KALRN: variants seen among roughly 807,000 people sequenced by gnomAD.
KALRN encodes the protein kalirin.
A neutral mutation model predicts 353.7 loss-of-function variants in KALRN; 70 were observed. The ratio of observed to expected loss-of-function variants is 0.20; its 90% CI spans 0.16 to 0.24. KALRN has a LOEUF of 0.24. KALRN is among the 10% of genes least tolerant of loss of function. KALRN has a pLI of 1.00. For missense variants in KALRN, 2,791 were observed against 3,756.7 expected (o/e 0.74, Z 6.72); for synonymous variants, 1,391 against 1,434.8 (o/e 0.97, Z 0.69).
chr3:124,045,052 C>T (rs1221840233), intron 1 of KALRN, among the ~76,000 whole-genome samples: 3 of 152,104 alleles, frequency 2.0e-5, no homozygotes, highest in Non-Finnish European at 1.5e-5. Context: ...ATCTTTTATA[C>T]TCTTACCCAG....
chr3:124,408,348 T>A (rs2091801428), intron 13 of KALRN, among the ~76,000 whole-genome samples: 1 of 152,176 alleles, frequency 6.6e-6, no homozygotes, highest in Non-Finnish European at 1.5e-5. Context: ...AAAAGAAAGA[T>A]ATCCCCCAAA....
intron 34 of KALRN, among the ~76,000 whole-genome samples, chr3:124,631,490 G>A (rs2080774268): frequency 6.6e-6 from 1 of 152,082 alleles, no homozygotes; most frequent in African/African-American, 2.4e-5. Context: ...CCCAAAACCT[G>A]AGATACCCTT....
intron 37 of KALRN, among the ~76,000 whole-genome samples, chr3:124,642,635 GC>G (rs1423238117): frequency 2.0e-5 from 3 of 151,962 alleles, no homozygotes; most frequent in African/African-American, 7.3e-5. Flanking sequence ...TGTGTGCTTT[GC>G]CCCCCTTTAG....
chr3:124,521,253 T>A (rs2067139019), intron 33 of KALRN, among the ~76,000 whole-genome samples: 1 of 152,242 alleles, frequency 6.6e-6, no homozygotes, highest in Non-Finnish European at 1.5e-5. Context: ...CTCCAAGCGC[T>A]GGGCATTATG....
chr3:124,439,190 T>TCACACACACACACACA (rs1173931984), intron 18 of KALRN, among the ~76,000 whole-genome samples, 153 bp downstream of exon 18: 2 of 58,062 alleles, frequency 3.4e-5, no homozygotes, highest in East Asian at 7.1e-4. Flanking sequence ...CTTCTCCTTC[T>TCACACACACACACACA]CTCTCTCTCT....
At chr3:124,330,258 A>G (rs879405696) in intron 8 of KALRN, among the ~76,000 whole-genome samples, 2 of 148,372 alleles carry the variant, frequency 1.3e-5, no homozygotes, top group East Asian at 2.0e-4. Flanking sequence ...ACACACACAC[A>G]CACACACACA....
intron 19 of KALRN, among the ~76,000 whole-genome samples, chr3:124,443,185 A>G (rs1201470595): frequency 1.3e-5 from 2 of 152,246 alleles, no homozygotes; most frequent in Non-Finnish European, 2.9e-5. Context: ...CTATTATCTG[A>G]CCATGTGAAA....
rs138836536 is a variant in KALRN at position 124,538,811 on chromosome 3, C to T, written c.4936-24032C>T. ...TTGTAATTCTGCCTGGGGAAAGCTG[C>T]GAATTGGAGCACTAAGTTAGAACTT... is the stretch of plus-strand genomic sequence containing the variant. On this transcript the variant is annotated intron_variant, in intron 33 of 59. Transcript: ENST00000682506. Among the ~76,000 whole-genome samples, 309 of 152,300 alleles carry T rather than the reference C, an allele frequency of 2.0e-3. 1 individual carries two copies. Among genetic ancestry groups the T allele is most frequent in the Admixed American group, 4.2e-3 (64 of 15,300 alleles).
chr3:124,686,798 ATTTTTTTTTTTTTTTT>A (rs10599336), intron 51 of KALRN, among the ~76,000 whole-genome samples: 4 of 70,800 alleles, frequency 5.6e-5, no homozygotes, highest in Non-Finnish European at 8.2e-5. Flanking sequence ...CACTGGTGAG[ATTTTTTTTTTTTTTTT>A]TTTTTTTTTT....
intron 1 of KALRN, among the ~76,000 whole-genome samples, chr3:124,060,958 G>A (rs1052214255): frequency 2.0e-5 from 3 of 152,222 alleles, no homozygotes; most frequent in Admixed American, 1.3e-4. Flanking sequence ...CTCTCAATAA[G>A]CCTAGGTCCC....
intron 10 of KALRN, among the ~76,000 whole-genome samples, chr3:124,360,347 G>T (rs528116986): frequency 6.6e-6 from 1 of 152,180 alleles, no homozygotes; most frequent in Non-Finnish European, 1.5e-5. Flanking sequence ...GATTCCATTT[G>T]GTGTATGTCA....
intron 12 of KALRN, among the ~76,000 whole-genome samples, chr3:124,397,465 G>A (rs1417511215): frequency 6.6e-6 from 1 of 152,200 alleles, no homozygotes; most frequent in Non-Finnish European, 1.5e-5. Flanking sequence ...CAGAAAGCCT[G>A]CTGATGAGAT....
intron 34 of KALRN, among the ~76,000 whole-genome samples, chr3:124,602,904 T>G (rs1237862764): frequency 6.6e-6 from 1 of 152,140 alleles, no homozygotes; most frequent in Non-Finnish European, 1.5e-5. Context: ...TTCTTCTCAC[T>G]TACTCTGCTG....
chr3:124,610,896 C>T (rs576717399), intron 34 of KALRN, among the ~76,000 whole-genome samples: 1 of 152,012 alleles, frequency 6.6e-6, no homozygotes, highest in South Asian at 2.1e-4. Flanking sequence ...GGTGTGGTGG[C>T]GCACACTGTG....
At chr3:124,427,229 G>A (rs1190543422) in intron 15 of KALRN, among the ~76,000 whole-genome samples, 4 of 152,174 alleles carry the variant, frequency 2.6e-5, no homozygotes, top group Non-Finnish European at 5.9e-5. Flanking sequence ...TAATTAAGAG[G>A]ACATATGGCC....
At chr3:124,662,363 T>G (rs1462900274) in intron 45 of KALRN, among the ~76,000 whole-genome samples, 1 of 151,858 alleles carries the variant, frequency 6.6e-6, no homozygotes, top group African/African-American at 2.4e-5. Flanking sequence ...CCACCATACC[T>G]GGCTTATTTT....
chr3:124,661,436 C>T (rs1389769987), intron 44 of KALRN, among the ~76,000 whole-genome samples: 1 of 152,170 alleles, frequency 6.6e-6, no homozygotes, highest in Non-Finnish European at 1.5e-5. Context: ...TATTTTAAGC[C>T]AGGGAGGTTA....
chr3:124,234,388 TC>T (rs2079518610), intron 2 of KALRN, among the ~76,000 whole-genome samples: 1 of 152,202 alleles, frequency 6.6e-6, no homozygotes, highest in Non-Finnish European at 1.5e-5. Context: ...TCACAAGCAC[TC>T]CCACCTCACA....
intron 14 of KALRN, 35 bp downstream of exon 14, chr3:124,413,700 A>G: frequency 6.4e-7 from 1 of 1,572,386 alleles, no homozygotes; most frequent in Non-Finnish European, 8.7e-7. Flanking sequence ...GGCAGAGGAG[A>G]TGATGAAAAC....
Sources: gnomAD v4.1 joint callset for allele counts (sites outside exome capture counted in the v4.1 genomes callset) on GRCh38, gnomAD v4.1.1 for gene constraint, MANE v1.5 for transcripts, NCBI Gene and HGNC (gene_info 2026-07-23, HGNC 2026-07-21) for gene names.